The following TRAM2 variants were observed in gnomAD, a reference collection of about 807,000 sequenced individuals.
TRAM2 encodes translocation associated membrane protein 2.
Under a neutral mutation model 51.0 loss-of-function variants are expected in TRAM2, and 12 were observed. That is an observed-to-expected ratio of 0.24 (90% CI 0.15 to 0.38). The LOEUF is 0.38. Among genes scored for constraint, TRAM2 ranks in the 10% least tolerant of loss-of-function variants. The pLI is 1.00. For synonymous variants in TRAM2, 175 were observed against 179.4 expected (o/e 0.98, Z 0.20); for missense variants, 361 against 462.0 (o/e 0.78, Z 2.00).
chr6:52,550,477 A>G (rs1282384956), intron 1 of TRAM2, among the ~76,000 whole-genome samples: 1 of 152,222 alleles, frequency 6.6e-6, no homozygotes, highest in East Asian at 1.9e-4. Flanking sequence ...ACTCAAATAA[A>G]AGAATACTAA....
chr6:52,505,552 T>C, intron 9 of TRAM2, 47 bp downstream of exon 9: 1 of 1,557,354 alleles, frequency 6.4e-7, no homozygotes, highest in Non-Finnish European at 8.7e-7. Context: ...CTGTGCCAAG[T>C]TCAGGAGGCT....
At chr6:52,535,676 C>A in intron 2 of TRAM2, 107 bp downstream of exon 2, 1 of 945,550 alleles carries the variant, frequency 1.1e-6, no homozygotes, top group Non-Finnish European at 1.6e-6. Flanking sequence ...GCAGAGACTC[C>A]GTCATGGGGG....
rs550161167 is a variant in TRAM2, at chr6:52,566,611, G to T, written c.120+10185C>A. ...TCTCAACTCCACGGCAGGACCTAAG[G>T]GGCCCTGGGTGATCTGGCCCCACCT... is the stretch of plus-strand genomic sequence containing the variant. On this transcript the variant is annotated intron_variant, in intron 1 of 10. Transcript: ENST00000182527. Among the ~76,000 whole-genome samples the T allele has an allele frequency of 4.6e-5, 7 of 152,212 alleles. No individual in the cohort carries two copies. The South Asian group carries it at 1.0e-3, about 23-fold the overall frequency.
intron 9 of TRAM2, among the ~76,000 whole-genome samples, chr6:52,505,206 G>A (rs1383183976): frequency 6.6e-6 from 1 of 152,208 alleles, no homozygotes; most frequent in Non-Finnish European, 1.5e-5. Flanking sequence ...TGGGCCTAGG[G>A]GCTCCGGAAA....
At chr6:52,509,718 A>C in intron 4 of TRAM2, 132 bp from the exon 5 acceptor site, 1 of 772,660 alleles carries the variant, frequency 1.3e-6, no homozygotes, top group Non-Finnish European at 2.1e-6. Context: ...GGAAATGTGA[A>C]AACAGAGAAC....
chr6:52,532,494 G>A (rs935375444), intron 2 of TRAM2, among the ~76,000 whole-genome samples: 7 of 151,906 alleles, frequency 4.6e-5, no homozygotes, highest in Non-Finnish European at 1.0e-4. Context: ...TAGGGTTTAT[G>A]GGTCATGAGT....
At chr6:52,507,483 A>G in intron 7 of TRAM2, 70 bp downstream of exon 7, 1 of 1,483,940 alleles carries the variant, frequency 6.7e-7, no homozygotes. Context: ...TGATAATTAT[A>G]TGAGTGTGTG....
intron 1 of TRAM2, among the ~76,000 whole-genome samples, chr6:52,558,473 T>C (rs948830967): frequency 6.6e-6 from 1 of 152,204 alleles, no homozygotes; most frequent in East Asian, 1.9e-4. Flanking sequence ...GTTCTGGAGA[T>C]TGGTTGCACA....
At chr6:52,541,130 T>C (rs1012602712) in intron 1 of TRAM2, among the ~76,000 whole-genome samples, 5 of 152,240 alleles carry the variant, frequency 3.3e-5, no homozygotes, top group Admixed American at 1.3e-4. Flanking sequence ...CAGCTAAGCA[T>C]AGTGGATGTG....
chr6:52,569,312 C>A (rs1403846678), intron 1 of TRAM2, among the ~76,000 whole-genome samples: 1 of 151,052 alleles, frequency 6.6e-6, no homozygotes, highest in South Asian at 2.1e-4. Context: ...ATCGCTTGAA[C>A]CCGGGAAGTG....
chr6:52,502,879 G>A lies in TRAM2; in HGVS notation c.*318C>T, dbSNP rs41273844. 0.24 allele frequency: 85,395 copies of A among 362,728 alleles called. 11,165 individuals are homozygous for A. The highest frequency in any genetic ancestry group is 0.29 in the African/African-American group (13,727 of 48,094). 22.5% of individuals were successfully genotyped at this position (362,728 alleles called of 1,614,324 possible). A position where few individuals can be genotyped will look rare whatever the true frequency, so the allele number is the denominator to read the frequency against. The stretch of plus-strand genomic sequence containing the variant: ...GAAAAGCAGCAGCCATAAGGCAAGA[G>A]ACAGAGCAAGCAGAAAGGTGCCAGC... On this transcript the variant is annotated 3_prime_UTR_variant, in exon 11 of 11. Coordinates refer to ENST00000182527, the MANE Select transcript of TRAM2 (RefSeq NM_012288.4).
At chr6:52,536,104 G>A (rs1766973715) in intron 1 of TRAM2, among the ~76,000 whole-genome samples, 1 of 152,204 alleles carries the variant, frequency 6.6e-6, no homozygotes, top group Non-Finnish European at 1.5e-5. Flanking sequence ...TGCATGGCAG[G>A]ACAGGAGCTC....
intron 1 of TRAM2, among the ~76,000 whole-genome samples, chr6:52,553,293 A>G (rs1007822341): frequency 5.9e-5 from 9 of 152,216 alleles, no homozygotes; most frequent in Non-Finnish European, 1.0e-4. Flanking sequence ...AAGATCAACA[A>G]ATGTATTTGG....
chr6:52,532,326 A>G (rs1347993829), intron 2 of TRAM2, among the ~76,000 whole-genome samples: 3 of 152,188 alleles, frequency 2.0e-5, no homozygotes, highest in Non-Finnish European at 2.9e-5. Flanking sequence ...TATGTGGGGT[A>G]TGATCCAGCA....
intron 1 of TRAM2, among the ~76,000 whole-genome samples, chr6:52,558,128 T>C (rs561071268): frequency 3.3e-5 from 5 of 152,286 alleles, no homozygotes; most frequent in African/African-American, 9.6e-5. Context: ...GGCTCAGCTA[T>C]AGAGCACAGC....
chr6:52,572,975 A>C (rs1219374268), intron 1 of TRAM2, among the ~76,000 whole-genome samples: 1 of 152,186 alleles, frequency 6.6e-6, no homozygotes, highest in Non-Finnish European at 1.5e-5. Flanking sequence ...TGGGTCCCTC[A>C]ACCTTTAAGT....
chr6:52,518,608 G>A (rs1446638201), intron 2 of TRAM2, among the ~76,000 whole-genome samples: 1 of 152,108 alleles, frequency 6.6e-6, no homozygotes, highest in Non-Finnish European at 1.5e-5. Flanking sequence ...GGGAGAAGGA[G>A]GGCTGTCAGT....
intron 2 of TRAM2, among the ~76,000 whole-genome samples, chr6:52,533,407 G>GC (rs1229111028): frequency 4.6e-5 from 7 of 152,102 alleles, no homozygotes; most frequent in Non-Finnish European, 2.9e-5. Context: ...TCATCCACGT[G>GC]CCCCCCAGCA....
intron 1 of TRAM2, among the ~76,000 whole-genome samples, chr6:52,571,249 G>C (rs2114111244): frequency 6.6e-6 from 1 of 152,308 alleles, no homozygotes; most frequent in Middle Eastern, 3.4e-3. Flanking sequence ...TCAACCCTCT[G>C]GCTTTGCCAT....
Sources: allele counts gnomAD v4.1 joint callset (sites outside exome capture counted in the v4.1 genomes callset), GRCh38; gene constraint gnomAD v4.1.1; transcripts MANE v1.5; gene names NCBI Gene and HGNC (gene_info 2026-07-23, HGNC 2026-07-21).